RBPMS: variants seen among roughly 807,000 people sequenced by gnomAD.
The protein encoded by RBPMS is RNA-binding protein with multiple splicing.
A neutral mutation model predicts 26.8 loss-of-function variants in RBPMS; 7 were observed. That is an observed-to-expected ratio of 0.26 (90% CI 0.15 to 0.49). The LOEUF is 0.49. Ranked by LOEUF, RBPMS falls within the 20% of genes least tolerant of loss-of-function variation. The pLI, the probability that RBPMS is intolerant of heterozygous loss-of-function variation, is 0.98. For synonymous variants in RBPMS, 96 were observed against 93.3 expected, an observed-to-expected ratio of 1.03 and a Z score of -0.17; for missense variants, 186 against 250.0, an observed-to-expected ratio of 0.74 and a Z score of 1.73.
intron 6 of RBPMS, among the ~76,000 whole-genome samples, chr8:30,551,217 T>C (rs546912509): frequency 2.0e-5 from 3 of 152,318 alleles, no homozygotes; most frequent in East Asian, 1.9e-4. Flanking sequence ...TCACCCTCTT[T>C]AGAAGCAGTC....
At chr8:30,535,307 CAT>C (rs1427200766) in intron 5 of RBPMS, among the ~76,000 whole-genome samples, 8 of 152,038 alleles carry the variant, frequency 5.3e-5, no homozygotes, top group Non-Finnish European at 1.2e-4. Flanking sequence ...GTGTGCCAGA[CAT>C]ATGTGCTAAG....
intron 6 of RBPMS, among the ~76,000 whole-genome samples, chr8:30,547,066 C>T (rs147399555): frequency 1.2e-4 from 19 of 152,274 alleles, no homozygotes; most frequent in South Asian, 8.3e-4. Context: ...GACTTGGAGG[C>T]AAAGCAAAGG....
intron 5 of RBPMS, among the ~76,000 whole-genome samples, chr8:30,543,392 G>T (rs949000807): frequency 6.6e-6 from 1 of 152,172 alleles, no homozygotes; most frequent in Non-Finnish European, 1.5e-5. Context: ...GCCTGGAATG[G>T]CTCCTTAGAT....
intron 1 of RBPMS, among the ~76,000 whole-genome samples, chr8:30,420,580 C>A (rs868236782): frequency 2.0e-5 from 3 of 152,030 alleles, no homozygotes; most frequent in Admixed American, 2.0e-4. Context: ...ATTTTTCATG[C>A]GGGTCAGTTG....
chr8:30,413,931 A>G (rs1307943455), intron 1 of RBPMS, among the ~76,000 whole-genome samples: 1 of 152,116 alleles, frequency 6.6e-6, no homozygotes, highest in Non-Finnish European at 1.5e-5. Context: ...TAGTAGAGAC[A>G]GGGTTTTGCC....
intron 1 of RBPMS, among the ~76,000 whole-genome samples, chr8:30,438,968 G>A (rs546202369): frequency 6.6e-6 from 1 of 152,114 alleles, no homozygotes; most frequent in South Asian, 2.1e-4. Context: ...ATAGAGATGG[G>A]GTTTCACCAT....
At chr8:30,548,154 C>G (rs1428147423) in intron 6 of RBPMS, among the ~76,000 whole-genome samples, 2 of 152,190 alleles carry the variant, frequency 1.3e-5, no homozygotes, top group Non-Finnish European at 2.9e-5. Context: ...CTTTCAAGGT[C>G]ATTGGTATTT....
In RBPMS at chr8:30,385,000, C is replaced by T; in HGVS notation, c.-93C>T. 4 of 1,004,274 alleles carry T rather than the reference C, an allele frequency of 4.0e-6. No homozygotes were observed. The South Asian group carries it at 9.4e-5, about 24-fold the overall frequency. The allele number at this position is 1,004,274 out of a possible 1,614,324, so 62.2% of individuals were successfully genotyped here. ...GCCCGCGGCGCCCGCCCGAGGGAGC[C>T]CCGGCGCCCGGGGAAGGCTCCAGTG... On this transcript the variant is annotated 5_prime_UTR_variant, in exon 1 of 9. Coordinates refer to ENST00000397323, the MANE Select transcript of RBPMS (RefSeq NM_001008710.3). This position sits in a 1 kb window ranked among gnomAD's most constrained non-coding sequence, Gnocchi z 5.6.
At chr8:30,461,631 G>A (rs1374430725) in intron 1 of RBPMS, among the ~76,000 whole-genome samples, 4 of 152,194 alleles carry the variant, frequency 2.6e-5, no homozygotes, top group African/African-American at 4.8e-5. Flanking sequence ...TCCTGACCTC[G>A]TGTTCCACCC....
At chr8:30,508,791 G>T (rs779394271) in intron 5 of RBPMS, among the ~76,000 whole-genome samples, 31 of 152,010 alleles carry the variant, frequency 2.0e-4, no homozygotes, top group Middle Eastern at 3.4e-3. Context: ...TATTTAAGAT[G>T]GCTCATTTGG....
intron 1 of RBPMS, among the ~76,000 whole-genome samples, chr8:30,473,132 AT>A: frequency 6.6e-6 from 1 of 152,234 alleles, no homozygotes; most frequent in Non-Finnish European, 1.5e-5. Context: ...TCAAGATCAA[AT>A]TCCTGAGCCA....
At chr8:30,485,564 C>T (rs1005204449) in intron 4 of RBPMS, among the ~76,000 whole-genome samples, 2 of 152,206 alleles carry the variant, frequency 1.3e-5, no homozygotes, top group Non-Finnish European at 2.9e-5. Context: ...AGCCATTTGA[C>T]GTCACAGGGT....
In RBPMS at chr8:30,433,812, T is replaced by C. The variant is rs114993237; in HGVS notation, c.67-40967T>C. Among the ~76,000 whole-genome samples the C allele has an allele frequency of 8.0e-3, 1,226 of 152,336 alleles. 16 individuals are homozygous for C. Among genetic ancestry groups the C allele is most frequent in the African/African-American group, 0.025 (1,043 of 41,570 alleles). ...TTGTAGCTGTTCTTATAATTATTAATTTGACCTGGAACTTCCATGTCCTGA... is the reference window on the plus strand; with the variant it reads ...TTGTAGCTGTTCTTATAATTATTAACTTGACCTGGAACTTCCATGTCCTGA... On this transcript the variant is annotated intron_variant, in intron 1 of 8. Coordinates refer to ENST00000397323, the MANE Select transcript of RBPMS (RefSeq NM_001008710.3).
At chr8:30,545,633 T>C (rs142367030) in intron 6 of RBPMS, 344 of 169,062 alleles carry the variant, frequency 2.0e-3, no homozygotes, top group African/African-American at 7.8e-3. Flanking sequence ...AACCTCCTTC[T>C]GACTTAAAAC....
chr8:30,529,233 TG>T (rs1554537403), intron 5 of RBPMS, among the ~76,000 whole-genome samples: 1 of 151,710 alleles, frequency 6.6e-6, no homozygotes, highest in Non-Finnish European at 1.5e-5. Context: ...AAAAAAAAAT[TG>T]TGGTAAAATA....
intron 1 of RBPMS, among the ~76,000 whole-genome samples, chr8:30,463,214 G>C (rs1816135735): frequency 6.6e-6 from 1 of 152,220 alleles, no homozygotes; most frequent in Non-Finnish European, 1.5e-5. Flanking sequence ...ATTGCATGTA[G>C]TTAACTCATT....
rs187973725 is a variant in RBPMS, at chr8:30,545,486, T to C, written c.528+862T>C. 404 of 976,468 alleles carry C rather than the reference T, an allele frequency of 4.1e-4. No homozygotes were observed. The African/African-American group carries it at 6.5e-3, about 16-fold the overall frequency. The allele number at this position is 976,468 out of a possible 1,614,324, so 60.5% of individuals were successfully genotyped here. On this transcript the variant is annotated intron_variant, in intron 6 of 8. Coordinates refer to ENST00000397323, the MANE Select transcript of RBPMS (RefSeq NM_001008710.3). ...AGAAAGTACGTACGTAGGTTTCATT[T>C]GTCTTTCTGCATGTGTAATTCAGCC...
At position 30,385,041 on chromosome 8, in the gene RBPMS, G is replaced by A; in HGVS notation, c.-52G>A. 1 of 1,429,898 alleles carries A rather than the reference G, an allele frequency of 7.0e-7. No homozygotes were observed. Among genetic ancestry groups the A allele is most frequent in the East Asian group, 3.1e-5 (1 of 32,004 alleles). The allele number at this position is 1,429,898 out of a possible 1,614,324, so 88.6% of individuals were successfully genotyped here. On this transcript the variant is annotated 5_prime_UTR_variant, in exon 1 of 9. Transcript: ENST00000397323. ...GGCTCCAGTGGGCTAGCGCGCCCTC[G>A]CCCAGCCCCGCGCCCCAGCCCTGCC...
Position 30,472,116 on chromosome 8 carries a change from A to G in RBPMS, c.67-2663A>G, listed in dbSNP as rs1225685976. On this transcript the variant is annotated intron_variant, in intron 1 of 8. Coordinates refer to ENST00000397323, the MANE Select transcript of RBPMS (RefSeq NM_001008710.3). ...TACAAAGATTTGTACATGAATGTTC[A>G]TAGCCATTTTATTTGTAATAGCCAA... Among the ~76,000 whole-genome samples, 6 of 152,248 alleles carry G rather than the reference A, an allele frequency of 3.9e-5. No homozygotes were observed. In the South Asian group the frequency reaches 8.3e-4, roughly 21 times the overall value.
Sources: gnomAD v4.1 joint callset for allele counts (sites outside exome capture counted in the v4.1 genomes callset) on GRCh38, gnomAD v4.1.1 for gene constraint, Gnocchi (gnomAD v3.1) non-coding constraint, MANE v1.5 for transcripts, NCBI Gene and HGNC (gene_info 2026-07-23, HGNC 2026-07-21) for gene names.